Variants in CSMD1 observed in about 807,000 individuals in gnomAD.
CSMD1 encodes the protein CUB and Sushi multiple domains 1.
CSMD1 carries 213 observed loss-of-function variants against 417.5 expected under a neutral mutation model. That is an observed-to-expected ratio of 0.51 (90% CI 0.46 to 0.57). The LOEUF (loss-of-function observed/expected upper bound fraction) is 0.57. Among genes scored for constraint, CSMD1 ranks in the 20% least tolerant of loss-of-function variants. The pLI is 0.00. For synonymous variants in CSMD1, 2,862 were observed against 1,736.8 expected (o/e 1.65, Z -16.11); for missense variants, 6,923 against 4,529.7 (o/e 1.53, Z -15.17).
intron 10 of CSMD1, among the ~76,000 whole-genome samples, chr8:3,562,227 T>C (rs1799498013): frequency 6.6e-6 from 1 of 152,184 alleles, no homozygotes. Flanking sequence ...TAGAGATTTG[T>C]ATCATACTTG....
At chr8:4,554,677 G>A (rs1798012810) in intron 2 of CSMD1, among the ~76,000 whole-genome samples, 1 of 152,142 alleles carries the variant, frequency 6.6e-6, no homozygotes, top group African/African-American at 2.4e-5. Flanking sequence ...TAAACAATGT[G>A]ATAAGAATCA....
At chr8:4,019,426 G>A (rs1046101527) in intron 4 of CSMD1, among the ~76,000 whole-genome samples, 1 of 151,776 alleles carries the variant, frequency 6.6e-6, no homozygotes, top group Non-Finnish European at 1.5e-5. Flanking sequence ...CTATCTTCAT[G>A]TACCTAAAAG....
intron 11 of CSMD1, among the ~76,000 whole-genome samples, chr8:3,473,000 G>A: frequency 6.6e-6 from 1 of 151,914 alleles, no homozygotes; most frequent in Middle Eastern, 3.2e-3. Flanking sequence ...ACCAAAGTAG[G>A]CTCCTAACTC....
At chr8:3,198,065 T>A (rs9785074) in intron 33 of CSMD1, among the ~76,000 whole-genome samples, 326 of 152,310 alleles carry the variant, frequency 2.1e-3, no homozygotes, top group African/African-American at 7.7e-3. Flanking sequence ...ATAAATGATG[T>A]TCTTTTCTTT....
intron 3 of CSMD1, among the ~76,000 whole-genome samples, chr8:4,095,799 T>A (rs1329093985): frequency 6.6e-6 from 1 of 152,238 alleles, no homozygotes. Flanking sequence ...ATATATGTAT[T>A]TGTATGCATG....
intron 6 of CSMD1, among the ~76,000 whole-genome samples, chr8:3,733,118 G>C (rs1040717396): frequency 6.7e-5 from 10 of 150,050 alleles, no homozygotes; most frequent in Non-Finnish European, 1.3e-4. Flanking sequence ...AAGTGGAAAA[G>C]ATAAAGTGAA....
intron 3 of CSMD1, among the ~76,000 whole-genome samples, chr8:4,154,375 T>C (rs757018315): frequency 6.6e-6 from 1 of 152,232 alleles, no homozygotes; most frequent in African/African-American, 2.4e-5. Flanking sequence ...TTTTGTGACA[T>C]ATATCTCTAA....
At chr8:4,542,959 T>A (rs1272724966) in intron 2 of CSMD1, among the ~76,000 whole-genome samples, 3 of 152,322 alleles carry the variant, frequency 2.0e-5, no homozygotes, top group East Asian at 3.9e-4. Flanking sequence ...AATCATGGCA[T>A]ATTTGCAATT....
chr8:4,056,045 A>C (rs1052411656), intron 3 of CSMD1, among the ~76,000 whole-genome samples: 4 of 147,734 alleles, frequency 2.7e-5, no homozygotes, highest in Non-Finnish European at 4.5e-5. Context: ...ATTGAACTCA[A>C]CCCTGAATCT....
At chr8:4,203,191 G>A (rs551954718) in intron 3 of CSMD1, among the ~76,000 whole-genome samples, 2 of 152,290 alleles carry the variant, frequency 1.3e-5, no homozygotes, top group African/African-American at 4.8e-5. Context: ...TCGTCAGTGA[G>A]ATGCAACCTT....
At chr8:3,932,787 T>C (rs926962287) in intron 5 of CSMD1, among the ~76,000 whole-genome samples, 6 of 150,474 alleles carry the variant, frequency 4.0e-5, no homozygotes, top group Non-Finnish European at 5.9e-5. Context: ...AAGCTGAGTT[T>C]TCATTTCAAT....
intron 2 of CSMD1, among the ~76,000 whole-genome samples, chr8:4,480,589 C>G (rs1032206373): frequency 1.3e-5 from 2 of 152,176 alleles, no homozygotes. Context: ...TTTAGCTTCA[C>G]CTTACAAAAC....
intron 1 of CSMD1, among the ~76,000 whole-genome samples, chr8:4,714,746 ATTT>A (rs1808539016): frequency 6.6e-6 from 1 of 152,230 alleles, no homozygotes; most frequent in African/African-American, 2.4e-5. Flanking sequence ...TGCCACTTAA[ATTT>A]TGCTGAAATA....
intron 25 of CSMD1, among the ~76,000 whole-genome samples, chr8:3,307,016 C>T (rs779504700): frequency 7.5e-6 from 1 of 132,806 alleles, no homozygotes; most frequent in Non-Finnish European, 1.7e-5. Context: ...TGGTCTACCT[C>T]AAAGTTACTT....
chr8:4,420,092 A>C, intron 2 of CSMD1, 27 bp from the exon 3 acceptor site: 1 of 1,481,866 alleles, frequency 6.7e-7, no homozygotes, highest in Non-Finnish European at 9.2e-7. Context: ...AGACACAAAG[A>C]GAGTTAAAAG....
intron 2 of CSMD1, among the ~76,000 whole-genome samples, chr8:4,630,845 T>C (rs1423376204): frequency 1.3e-5 from 2 of 152,146 alleles, no homozygotes; most frequent in African/African-American, 4.8e-5. Context: ...GCTACTTCCC[T>C]GGAACTATCC....
chr8:3,698,115 T>C (rs1800657411), intron 7 of CSMD1, among the ~76,000 whole-genome samples: 1 of 152,204 alleles, frequency 6.6e-6, no homozygotes. Context: ...CATCTTGTTT[T>C]GCTTCTAGTT....
At chr8:4,953,656 A>G (rs1808893562) in intron 1 of CSMD1, among the ~76,000 whole-genome samples, 1 of 152,220 alleles carries the variant, frequency 6.6e-6, no homozygotes, top group African/African-American at 2.4e-5. Context: ...AGTCAGAATT[A>G]AATGTTATTC....
intron 5 of CSMD1, among the ~76,000 whole-genome samples, chr8:3,764,732 T>C (rs1005745090): frequency 3.2e-5 from 4 of 126,428 alleles, no homozygotes; most frequent in Admixed American, 1.0e-4. Flanking sequence ...ACTGCCCTTT[T>C]CTCTTTCTTT....
Sources: gnomAD v4.1 joint callset for allele counts (sites outside exome capture counted in the v4.1 genomes callset) on GRCh38, gnomAD v4.1.1 for gene constraint, MANE v1.5 for transcripts, NCBI Gene and HGNC (gene_info 2026-07-23, HGNC 2026-07-21) for gene names.